TTC23: variants seen among roughly 807,000 people sequenced by gnomAD.
The protein encoded by TTC23 is tetratricopeptide repeat protein 23.
In TTC23, 58 loss-of-function variants were observed where a neutral mutation model predicts 55.1. That is an observed-to-expected ratio of 1.05 (90% CI 0.85 to 1.31). The LOEUF (loss-of-function observed/expected upper bound fraction) is 1.31. Among genes scored for constraint, TTC23 ranks in the 50% most tolerant of loss-of-function variants. TTC23 has a pLI of 0.00. For synonymous variants in TTC23, 203 were observed against 199.9 expected, an observed-to-expected ratio of 1.02 and a Z score of -0.13; for missense variants, 516 against 534.4, an observed-to-expected ratio of 0.97 and a Z score of 0.34.
intron 10 of TTC23, among the ~76,000 whole-genome samples, chr15:99,170,394 T>C (rs2072752084): frequency 6.6e-6 from 1 of 152,174 alleles, no homozygotes; most frequent in South Asian, 2.1e-4. Context: ...TCATTAATAA[T>C]TATTTTCTTC....
intron 9 of TTC23, among the ~76,000 whole-genome samples, chr15:99,178,535 C>T (rs2073824495): frequency 1.3e-5 from 2 of 152,164 alleles, no homozygotes; most frequent in African/African-American, 4.8e-5. Flanking sequence ...AGATATTGTG[C>T]TAACATTAGA....
At chr15:99,186,368 G>T (rs535486172) in intron 9 of TTC23, among the ~76,000 whole-genome samples, 1 of 152,096 alleles carries the variant, frequency 6.6e-6, no homozygotes, top group South Asian at 2.1e-4. Context: ...TTTCACCAAG[G>T]TATTTCTTTA....
chr15:99,155,355 C>T (rs1225513905), intron 12 of TTC23: 10 of 152,096 alleles, frequency 6.6e-5, no homozygotes, highest in African/African-American at 2.4e-4. Context: ...CTCAATATCA[C>T]AAAGTTGTCA....
At chr15:99,228,859 G>A (rs2078687659) in intron 4 of TTC23, 127 bp from the exon 5 acceptor site, 1 of 748,542 alleles carries the variant, frequency 1.3e-6, no homozygotes, top group Non-Finnish European at 2.0e-6. Flanking sequence ...AAAGATTATG[G>A]TGGCTACTAC....
intron 11 of TTC23, 42 bp downstream of exon 11, chr15:99,161,698 C>G: frequency 6.3e-7 from 1 of 1,589,724 alleles, no homozygotes; most frequent in Non-Finnish European, 8.5e-7. Context: ...CTTTGGATAT[C>G]AACTGTGAAT....
intron 12 of TTC23, among the ~76,000 whole-genome samples, chr15:99,154,353 G>A (rs1268979102): frequency 6.6e-6 from 1 of 152,200 alleles, no homozygotes; most frequent in African/African-American, 2.4e-5. Flanking sequence ...CAAAAAGCAT[G>A]TGTTGGAAAC....
At chr15:99,163,855 G>A (rs1321376175) in intron 10 of TTC23, among the ~76,000 whole-genome samples, 1 of 152,130 alleles carries the variant, frequency 6.6e-6, no homozygotes, top group East Asian at 1.9e-4. Flanking sequence ...CCTTGATCTG[G>A]GACTTTCCAG....
Position 99,161,641 on chromosome 15 carries a change from GCA to G in TTC23, c.993+97_993+98del, listed in dbSNP as rs1389237595. Reference sequence around the variant, plus strand: ...CCCTCTAGAGACTGGCACATGCTTTGCACACAGTAGATGCTTAATGGATGCTT... The same window carrying G: ...CCCTCTAGAGACTGGCACATGCTTTGCACAGTAGATGCTTAATGGATGCTT... On this transcript the variant is annotated intron_variant, in intron 11 of 13. Coordinates refer to ENST00000394132, the MANE Select transcript of TTC23 (RefSeq NM_001288615.3). 3 of 1,389,610 alleles carry G rather than the reference GCA, an allele frequency of 2.2e-6. No individual in the cohort carries two copies. In the African/African-American group the frequency reaches 4.3e-5, roughly 20 times the overall value. The allele number at this position is 1,389,610 out of a possible 1,614,324, so 86.1% of individuals were successfully genotyped here. A position where few individuals can be genotyped will look rare whatever the true frequency, so the allele number is the denominator to read the frequency against.
intron 4 of TTC23, among the ~76,000 whole-genome samples, chr15:99,233,714 T>C (rs755116108): frequency 4.6e-5 from 7 of 152,230 alleles, no homozygotes; most frequent in Non-Finnish European, 8.8e-5. Context: ...AATACTTCTA[T>C]ACAGATTTTA....
At position 99,199,965 on chromosome 15, in the gene TTC23, TC is replaced by T. The variant is rs2076065798; in HGVS notation, c.712del (p.Glu238SerfsTer22). The T allele has an allele frequency of 6.2e-7, 1 of 1,613,864 alleles. No individual in the cohort carries two copies. The highest frequency in any genetic ancestry group is 1.3e-5 in the African/African-American group (1 of 74,908). On this transcript the variant is annotated frameshift_variant, in exon 9 of 14. Transcript: ENST00000394132. LOFTEE classifies it high-confidence loss of function. ...VPILRELAGV[E>X]QALGLHDVSI... ...TACATCGTGGAGTCCCAGGGCTTGC[TC>T]TACACCTGCTAATTCTCTCAATATG...
intron 5 of TTC23, among the ~76,000 whole-genome samples, chr15:99,226,243 A>G (rs1448241576): frequency 2.0e-5 from 3 of 152,228 alleles, no homozygotes; most frequent in Admixed American, 2.0e-4. Flanking sequence ...CAGATTAGAT[A>G]ATAGTATTAT....
At chr15:99,222,889 C>T (rs952631988) in intron 5 of TTC23, among the ~76,000 whole-genome samples, 2 of 151,982 alleles carry the variant, frequency 1.3e-5, no homozygotes, top group Middle Eastern at 3.2e-3. Context: ...CCCAGCTACT[C>T]GGGAGGCTGG....
At position 99,228,694 on chromosome 15, in the gene TTC23, T is replaced by C. The variant is rs1311084097; in HGVS notation, c.19A>G (p.Thr7Ala). The change falls in exon 5 of 14, where the codon ACC becomes GCC. Residue 7 changes from threonine (T) to alanine (A), a missense_variant. Coordinates refer to ENST00000394132, the MANE Select transcript of TTC23 (RefSeq NM_001288615.3). MQESQE[T>A]HISNHLDEVV... Reference sequence around the variant, plus strand: ...TCATCTAGGTGGTTGGATATGTGGGTTTCCTGTGATTCTTGCATATTTTTA... The same window carrying C: ...TCATCTAGGTGGTTGGATATGTGGGCTTCCTGTGATTCTTGCATATTTTTA... The C allele has an allele frequency of 2.5e-6, 4 of 1,600,752 alleles. No individual in the cohort carries two copies. The highest frequency in any genetic ancestry group is 3.4e-6 in the Non-Finnish European group (4 of 1,173,448).
chr15:99,169,598 AG>A (rs748747278), intron 10 of TTC23, among the ~76,000 whole-genome samples: 3 of 152,106 alleles, frequency 2.0e-5, no homozygotes, highest in Non-Finnish European at 4.4e-5. Flanking sequence ...GGGAGTGGGG[AG>A]GGCCCAGCAC....
At chr15:99,193,189 T>C (rs2075386963) in intron 9 of TTC23, among the ~76,000 whole-genome samples, 1 of 152,188 alleles carries the variant, frequency 6.6e-6, no homozygotes, top group South Asian at 2.1e-4. Flanking sequence ...TCTGAGTTAA[T>C]GCTGAAATGA....
intron 12 of TTC23, among the ~76,000 whole-genome samples, chr15:99,143,950 G>A (rs551662597): frequency 6.6e-6 from 1 of 152,280 alleles, no homozygotes; most frequent in Admixed American, 6.5e-5. Context: ...TTAAGACACA[G>A]TTGGACCCTA....
intron 12 of TTC23, among the ~76,000 whole-genome samples, chr15:99,148,993 G>C (rs1260686087): frequency 1.3e-5 from 2 of 152,168 alleles, no homozygotes; most frequent in Non-Finnish European, 2.9e-5. Flanking sequence ...GGTACATCTG[G>C]AAAAGCCACT....
chr15:99,160,161 T>C (rs1054727711), intron 11 of TTC23: 1 of 150,130 alleles, frequency 6.7e-6, no homozygotes, highest in Non-Finnish European at 1.5e-5. Flanking sequence ...GGCCCTACTT[T>C]GGCCTGAGAA....
chr15:99,211,861 A>G (rs1326285658), intron 8 of TTC23, among the ~76,000 whole-genome samples: 2 of 151,954 alleles, frequency 1.3e-5, no homozygotes, highest in African/African-American at 2.4e-5. Context: ...CAAAGACTAC[A>G]TTTTTTTGTT....
Sources: gnomAD v4.1 joint callset for allele counts (sites outside exome capture counted in the v4.1 genomes callset) on GRCh38, gnomAD v4.1.1 for gene constraint, MANE v1.5 for transcripts, NCBI Gene and HGNC (gene_info 2026-07-23, HGNC 2026-07-21) for gene names.